Variants in PDE1A observed in about 807,000 individuals in gnomAD.
PDE1A encodes the protein dual specificity calcium/calmodulin-dependent 3',5'-cyclic nucleotide phosphodiesterase 1A.
A neutral mutation model predicts 61.7 loss-of-function variants in PDE1A; 35 were observed. The observed-to-expected ratio is 0.57, with a 90% CI of 0.43 to 0.75. PDE1A has a LOEUF of 0.75. PDE1A is among the 30% of genes least tolerant of loss of function. The pLI, the probability that PDE1A is intolerant of heterozygous loss-of-function variation, is 0.00. For missense variants in PDE1A, 597 were observed against 630.6 expected, an observed-to-expected ratio of 0.95 and a Z score of 0.57; for synonymous variants, 232 against 213.2, an observed-to-expected ratio of 1.09 and a Z score of -0.77.
intron 1 of PDE1A, among the ~76,000 whole-genome samples, chr2:182,343,885 TTG>T: frequency 1.3e-5 from 2 of 151,476 alleles, no homozygotes; most frequent in Non-Finnish European, 2.9e-5. Context: ...TTTTTTTTTT[TTG>T]TTGAGGCAGA....
intron 1 of PDE1A, chr2:182,522,579 C>A (rs1192378851): frequency 8.8e-6 from 12 of 1,371,210 alleles, no homozygotes; most frequent in East Asian, 5.4e-5. Context: ...CACCTCACCA[C>A]CCCCCTAAGC....
intron 1 of PDE1A, among the ~76,000 whole-genome samples, chr2:182,401,414 CA>C (rs1475746706): frequency 6.6e-6 from 1 of 152,054 alleles, no homozygotes; most frequent in Non-Finnish European, 1.5e-5. Flanking sequence ...GAACCAATGA[CA>C]AAAAACATAT....
the PDE1A span, among the ~76,000 whole-genome samples, chr2:182,712,898 C>T: frequency 2.0e-5 from 3 of 152,034 alleles, no homozygotes; most frequent in South Asian, 2.1e-4. Context: ...AATGACATTC[C>T]GTTGTTTAAA....
chr2:182,610,099 A>AAG, the PDE1A span, among the ~76,000 whole-genome samples: 1 of 151,742 alleles, frequency 6.6e-6, no homozygotes, highest in African/African-American at 2.4e-5. Flanking sequence ...AAAAAAAAAA[A>AAG]AAAGAAAGAA....
intron 1 of PDE1A, among the ~76,000 whole-genome samples, chr2:182,422,028 G>A (rs184482322): frequency 4.3e-4 from 65 of 152,268 alleles, no homozygotes; most frequent in African/African-American, 1.3e-3. Flanking sequence ...CTGAGAAGAC[G>A]TAAAGAGAAG....
At chr2:182,648,868 C>A in the PDE1A span, among the ~76,000 whole-genome samples, 1 of 152,072 alleles carries the variant, frequency 6.6e-6, no homozygotes, top group Non-Finnish European at 1.5e-5. Flanking sequence ...GTGATGATAT[C>A]CAGTTTATAG....
At chr2:182,321,013 T>C (rs1252444220) in intron 1 of PDE1A, among the ~76,000 whole-genome samples, 1 of 152,214 alleles carries the variant, frequency 6.6e-6, no homozygotes, top group Non-Finnish European at 1.5e-5. Flanking sequence ...TTCAATCTCA[T>C]GCAATAGGTT....
chr2:182,322,329 C>T (rs1696747336), intron 1 of PDE1A, among the ~76,000 whole-genome samples: 1 of 152,106 alleles, frequency 6.6e-6, no homozygotes, highest in Non-Finnish European at 1.5e-5. Flanking sequence ...ATTGTAGCTC[C>T]CATAATCCCC....
the PDE1A span, among the ~76,000 whole-genome samples, chr2:182,577,538 C>T: frequency 6.6e-6 from 1 of 152,174 alleles, no homozygotes; most frequent in Non-Finnish European, 1.5e-5. Flanking sequence ...GACAGAATGT[C>T]ACTGTTTAGA....
chr2:182,466,442 A>G (rs1686673543), intron 2 of PDE1A, among the ~76,000 whole-genome samples: 1 of 152,046 alleles, frequency 6.6e-6, no homozygotes, highest in Non-Finnish European at 1.5e-5. Flanking sequence ...TAGTTCTCCT[A>G]GAAAATGTAG....
chr2:182,567,246 C>T, the PDE1A span, among the ~76,000 whole-genome samples: 7 of 152,254 alleles, frequency 4.6e-5, no homozygotes, highest in East Asian at 1.2e-3. Flanking sequence ...AAAACGTTTG[C>T]TTCCAATTGG....
At chr2:182,407,936 A>C (rs1702395386) in intron 1 of PDE1A, among the ~76,000 whole-genome samples, 2 of 152,170 alleles carry the variant, frequency 1.3e-5, no homozygotes, top group Non-Finnish European at 2.9e-5. Flanking sequence ...ATTCTATATG[A>C]ATATAGATAA....
intron 1 of PDE1A, among the ~76,000 whole-genome samples, chr2:182,363,134 C>T (rs977263397): frequency 5.4e-4 from 82 of 151,858 alleles, no homozygotes; most frequent in African/African-American, 1.7e-3. Context: ...ACCTGGGTGA[C>T]GAAATAATCT....
At chr2:182,689,271 G>A in the PDE1A span, among the ~76,000 whole-genome samples, 1 of 152,082 alleles carries the variant, frequency 6.6e-6, no homozygotes, top group African/African-American at 2.4e-5. Context: ...TGACCACATA[G>A]TTGGAAGTAA....
chr2:182,240,263 C>T, exon 3 of PDE1A: 4 of 1,605,866 alleles, frequency 2.5e-6, no homozygotes, highest in Non-Finnish European at 3.4e-6. Flanking sequence ...CTGAATGTCA[C>T]TGAGCTCATC....
At chr2:182,221,106 C>G (rs1466622404) in intron 7 of PDE1A, among the ~76,000 whole-genome samples, 1 of 151,790 alleles carries the variant, frequency 6.6e-6, no homozygotes, top group Admixed American at 6.6e-5. Flanking sequence ...CCTTGTCATC[C>G]CCCTCCTTTC....
intron 7 of PDE1A, among the ~76,000 whole-genome samples, chr2:182,218,939 A>C (rs144330850): frequency 5.3e-4 from 80 of 152,116 alleles, no homozygotes; most frequent in Non-Finnish European, 8.1e-4. Flanking sequence ...AAAGTGAATA[A>C]AATTACCTAA....
chr2:182,595,692 C>T, the PDE1A span, among the ~76,000 whole-genome samples: 1 of 152,202 alleles, frequency 6.6e-6, no homozygotes, highest in East Asian at 1.9e-4. Flanking sequence ...TTGCTATGGA[C>T]TCACTTCAAG....
intron 2 of PDE1A, among the ~76,000 whole-genome samples, chr2:182,258,682 A>C (rs1692003383): frequency 6.6e-6 from 1 of 152,212 alleles, no homozygotes; most frequent in Non-Finnish European, 1.5e-5. Context: ...ATAGGCAGGG[A>C]GAGCTTTGCC....
Sources: allele counts gnomAD v4.1 joint callset (sites outside exome capture counted in the v4.1 genomes callset), GRCh38; gene constraint gnomAD v4.1.1; transcripts MANE v1.5; gene names NCBI Gene and HGNC (gene_info 2026-07-23, HGNC 2026-07-21).